The following PXDNL variants were observed in gnomAD, a reference collection of about 807,000 sequenced individuals.
PXDNL encodes the protein peroxidasin like, also known as probable oxidoreductase PXDNL.
A neutral mutation model predicts 150.8 loss-of-function variants in PXDNL; 145 were observed. The ratio of observed to expected loss-of-function variants is 0.96; its 90% CI spans 0.84 to 1.10. The LOEUF is 1.10. Ranked by LOEUF, PXDNL falls within the 50% of genes least tolerant of loss-of-function variation. The probability of loss-of-function intolerance (pLI) is 0.00; values close to 1 mark genes in which losing one functional copy is unlikely to be tolerated. For missense variants in PXDNL, 2,087 were observed against 1,873.9 expected (o/e 1.11, Z -2.10); for synonymous variants, 757 against 725.7 (o/e 1.04, Z -0.69).
At chr8:51,510,248 T>C (rs1175285384) in intron 4 of PXDNL, among the ~76,000 whole-genome samples, 1 of 152,204 alleles carries the variant, frequency 6.6e-6, no homozygotes, top group African/African-American at 2.4e-5. Context: ...GGTCAAGTTT[T>C]AGTTTTCACC....
At position 51,426,798 on chromosome 8, in the gene PXDNL, T is replaced by C. The variant is rs201849688; in HGVS notation, c.1526-40A>G. On this transcript the variant is annotated intron_variant, in intron 12 of 22. Coordinates refer to ENST00000356297, the MANE Select transcript of PXDNL (RefSeq NM_144651.5). The stretch of plus-strand genomic sequence containing the variant: ...CAAAATAACATCATGTCAAATAATA[T>C]CATTTTTGTCAACATATGCCAGCTG... 52 of 1,189,090 alleles carry C rather than the reference T, an allele frequency of 4.4e-5. No homozygotes were observed. In the African/African-American group the frequency reaches 6.4e-4, roughly 15 times the overall value. 73.7% of individuals were successfully genotyped at this position (1,189,090 alleles called of 1,614,324 possible). A position where few individuals can be genotyped will look rare whatever the true frequency, so the allele number is the denominator to read the frequency against.
intron 1 of PXDNL, among the ~76,000 whole-genome samples, chr8:51,776,299 C>T (rs1035779940): frequency 9.2e-5 from 14 of 152,168 alleles, no homozygotes; most frequent in African/African-American, 2.7e-4. Flanking sequence ...CTGTGACCCA[C>T]ACCCTATTCG....
chr8:51,775,179 C>T (rs749538275), intron 1 of PXDNL, among the ~76,000 whole-genome samples: 6 of 152,126 alleles, frequency 3.9e-5, no homozygotes, highest in Non-Finnish European at 8.8e-5. Context: ...GCCATTATTA[C>T]AAATTTATAG....
At chr8:51,531,633 A>G (rs60152343) in intron 4 of PXDNL, among the ~76,000 whole-genome samples, 19,066 of 152,210 alleles carry the variant, frequency 0.13, 2,146 homozygotes, top group African/African-American at 0.3. Context: ...ACACTGTGAG[A>G]TGGGCTTTTT....
At chr8:51,641,082 C>A (rs1814739287) in intron 2 of PXDNL, among the ~76,000 whole-genome samples, 1 of 151,878 alleles carries the variant, frequency 6.6e-6, no homozygotes, top group Non-Finnish European at 1.5e-5. Flanking sequence ...TTTGACAAAC[C>A]TGAGAAAAAC....
intron 5 of PXDNL, among the ~76,000 whole-genome samples, chr8:51,489,209 T>C (rs1810837023): frequency 6.6e-6 from 1 of 152,204 alleles, no homozygotes; most frequent in African/African-American, 2.4e-5. Flanking sequence ...AATAAATAAT[T>C]AAAGAGAATC....
intron 5 of PXDNL, among the ~76,000 whole-genome samples, chr8:51,490,770 C>A (rs1316124574): frequency 1.3e-5 from 2 of 148,886 alleles, no homozygotes; most frequent in Non-Finnish European, 3.0e-5. Context: ...GTGTATCACA[C>A]AGGGGTAGCA....
intron 3 of PXDNL, among the ~76,000 whole-genome samples, chr8:51,558,611 A>G (rs1010869243): frequency 5.9e-4 from 90 of 152,244 alleles, no homozygotes; most frequent in African/African-American, 1.9e-3. Context: ...AGGAGTTTCA[A>G]AACTTAAAAC....
intron 1 of PXDNL, among the ~76,000 whole-genome samples, chr8:51,742,632 T>C (rs893267912): frequency 6.6e-6 from 1 of 151,226 alleles, no homozygotes; most frequent in Non-Finnish European, 1.5e-5. Context: ...AAAATGTTTA[T>C]ATATATAAAC....
At position 51,408,561 on chromosome 8, in the gene PXDNL, G is replaced by C. The variant is rs1317563464; in HGVS notation, c.3063C>G (p.Val1021=). 3.7e-6 allele frequency: 6 copies of C among 1,612,948 alleles called. No individual in the cohort carries two copies. Among genetic ancestry groups the C allele is most frequent in the Non-Finnish European group, 5.1e-6 (6 of 1,179,554 alleles). The change falls in exon 17 of 23, where the codon GTC becomes GTG. Residue 1021 remains valine (V), a synonymous_variant. Transcript: ENST00000356297. ...GCATCCTAGTGCCAGGGTCCCCCAG[G>C]ACCTTAGGCAGCCAGTGGCTGTAGG... ...HITYSHWLPK[V]LGDPGTRMLR...
rs572455647 is a variant in PXDNL at position 51,687,896 on chromosome 8, T to C, written c.165-33136A>G. ...AAATATAGCCTGAATAACTTCACTT[T>C]AGAGCCCTCAGCATATTTCCAGCAT... On this transcript the variant is annotated intron_variant, in intron 1 of 22. Coordinates refer to ENST00000356297, the MANE Select transcript of PXDNL (RefSeq NM_144651.5). 3.7e-4 allele frequency among the ~76,000 whole-genome samples: 56 copies of C among 152,320 alleles called. 1 individual carries two copies. In the South Asian group the frequency reaches 0.011, roughly 30 times the overall value.
At chr8:51,422,147 C>T (rs910354654) in intron 14 of PXDNL, among the ~76,000 whole-genome samples, 1 of 152,008 alleles carries the variant, frequency 6.6e-6, no homozygotes, top group East Asian at 1.9e-4. Context: ...TCTCCCATCA[C>T]CCCCAGATGG....
At chr8:51,680,609 A>G (rs1815723045) in intron 1 of PXDNL, among the ~76,000 whole-genome samples, 1 of 152,152 alleles carries the variant, frequency 6.6e-6, no homozygotes, top group African/African-American at 2.4e-5. Context: ...TTGAGTGGGG[A>G]AAAAAACGCC....
intron 2 of PXDNL, among the ~76,000 whole-genome samples, chr8:51,596,387 C>T (rs939042551): frequency 6.6e-6 from 1 of 151,978 alleles, no homozygotes; most frequent in African/African-American, 2.4e-5. Flanking sequence ...TTTGGTAGAA[C>T]GATATGTTTT....
chr8:51,696,505 A>T (rs1369283875), intron 1 of PXDNL, among the ~76,000 whole-genome samples: 2 of 152,214 alleles, frequency 1.3e-5, no homozygotes, highest in Non-Finnish European at 2.9e-5. Context: ...GCCCTCGCTG[A>T]CTAAAACACT....
intron 1 of PXDNL, among the ~76,000 whole-genome samples, chr8:51,662,389 G>A (rs1207664365): frequency 6.6e-6 from 1 of 151,924 alleles, no homozygotes; most frequent in African/African-American, 2.4e-5. Context: ...ATGGTGGCAG[G>A]CCCCTGTAGT....
chr8:51,673,841 C>A (rs185421616), intron 1 of PXDNL, among the ~76,000 whole-genome samples: 175 of 152,094 alleles, frequency 1.2e-3, no homozygotes, highest in Admixed American at 2.2e-3. Context: ...AAAAGTTTAG[C>A]CTTTTATAGG....
At chr8:51,625,000 T>C (rs894048974) in intron 2 of PXDNL, among the ~76,000 whole-genome samples, 4 of 152,118 alleles carry the variant, frequency 2.6e-5, no homozygotes, top group African/African-American at 7.2e-5. Context: ...TTATAGTTAT[T>C]ATGAAAAGTT....
At chr8:51,559,648 T>A (rs946314778) in intron 3 of PXDNL, among the ~76,000 whole-genome samples, 2 of 151,920 alleles carry the variant, frequency 1.3e-5, no homozygotes, top group Non-Finnish European at 2.9e-5. Flanking sequence ...TTTTTACAGA[T>A]GAAGGGACTC....
Sources: gnomAD v4.1 joint callset for allele counts (sites outside exome capture counted in the v4.1 genomes callset) on GRCh38, gnomAD v4.1.1 for gene constraint, MANE v1.5 for transcripts, NCBI Gene and HGNC (gene_info 2026-07-23, HGNC 2026-07-21) for gene names.